MRE11: variants seen among roughly 807,000 people sequenced by gnomAD.
MRE11 encodes double-strand break repair protein MRE11.
In MRE11, 62 loss-of-function variants were observed where a neutral mutation model predicts 91.7. That is an observed-to-expected ratio of 0.68 (90% confidence interval 0.55 to 0.84). The LOEUF (loss-of-function observed/expected upper bound fraction) is 0.84. MRE11 is among the 40% of genes least tolerant of loss of function. MRE11 has a pLI of 0.00. For missense variants in MRE11, 796 were observed against 852.9 expected (o/e 0.93, Z 0.83); for synonymous variants, 273 against 271.4 (o/e 1.01, Z -0.06).
At chr11:94,493,631 G>T (rs1310646123) in intron 1 of MRE11, 160 bp downstream of exon 1, 1 of 152,356 alleles carries the variant, frequency 6.6e-6, no homozygotes, top group Non-Finnish European at 1.5e-5. Flanking sequence ...TTAACTCTGG[G>T]CTTCCGCCTG....
chr11:94,457,167 A>C (rs1340728587), intron 13 of MRE11, among the ~76,000 whole-genome samples: 1 of 152,226 alleles, frequency 6.6e-6, no homozygotes, highest in Non-Finnish European at 1.5e-5. Context: ...AGATAACAAG[A>C]GTCTGGTATC....
At chr11:94,446,725 G>A (rs1380602271) in intron 15 of MRE11, among the ~76,000 whole-genome samples, 1 of 152,154 alleles carries the variant, frequency 6.6e-6, no homozygotes, top group African/African-American at 2.4e-5. Flanking sequence ...ACTAGTTTTA[G>A]GAATCAAATT....
upstream of MRE11, chr11:94,498,354 C>G (rs1305275938): frequency 6.2e-7 from 1 of 1,613,540 alleles, no homozygotes; most frequent in South Asian, 1.1e-5. Flanking sequence ...TTGCATCTTG[C>G]TGCTGGGAAC....
At chr11:94,510,479 C>A in the MRE11 span, among the ~76,000 whole-genome samples, 1 of 152,044 alleles carries the variant, frequency 6.6e-6, no homozygotes, top group Non-Finnish European at 1.5e-5. Context: ...GACTTTTTTC[C>A]CACTGCTTCT....
At chr11:94,460,794 A>T in intron 12 of MRE11, 142 bp downstream of exon 12, 1 of 719,340 alleles carries the variant, frequency 1.4e-6, no homozygotes, top group Non-Finnish European at 2.4e-6. Flanking sequence ...CTGCAAATGA[A>T]TGTAATTAAT....
chr11:94,507,601 C>T, the MRE11 span, among the ~76,000 whole-genome samples: 11,262 of 152,164 alleles, frequency 0.074, 530 homozygotes, highest in South Asian at 0.17. Flanking sequence ...GTGAACGTTC[C>T]GATTGCTCCA....
chr11:94,494,616 A>G (rs1459883955), upstream of MRE11, among the ~76,000 whole-genome samples: 1 of 152,188 alleles, frequency 6.6e-6, no homozygotes, highest in Non-Finnish European at 1.5e-5. Flanking sequence ...CTGATGGAAT[A>G]TCAGGAATAT....
intron 6 of MRE11, among the ~76,000 whole-genome samples, chr11:94,477,117 ATG>A (rs975968996): frequency 1.1e-4 from 17 of 152,326 alleles, no homozygotes; most frequent in African/African-American, 3.8e-4. Flanking sequence ...TAGAATAAAA[ATG>A]TGAGTTTTCT....
intron 16 of MRE11, among the ~76,000 whole-genome samples, chr11:94,437,717 G>T (rs1945660118): frequency 6.6e-6 from 1 of 152,168 alleles, no homozygotes. Context: ...CTAGAAAACA[G>T]CATTCTATGA....
At chr11:94,485,117 C>A (rs1327550215) in intron 4 of MRE11, among the ~76,000 whole-genome samples, 3 of 149,574 alleles carry the variant, frequency 2.0e-5, no homozygotes, top group Non-Finnish European at 4.5e-5. Flanking sequence ...CCTGTAATCC[C>A]AACTACTCGC....
rs1165980615 is a variant in MRE11, at chr11:94,419,378, G to A, written c.*747C>T. Reference sequence around the variant, plus strand: ...TGTAGTTTAAAACAATTTTTAACCCGTTTCCTCCTAGAACTAGGCACGCAT... The same window carrying A: ...TGTAGTTTAAAACAATTTTTAACCCATTTCCTCCTAGAACTAGGCACGCAT... On this transcript the variant is annotated 3_prime_UTR_variant, in exon 20 of 20. Transcript: ENST00000323929. 2 of 230,810 alleles carry A rather than the reference G, an allele frequency of 8.7e-6. No homozygotes were observed. Among genetic ancestry groups the A allele is most frequent in the East Asian group, 6.1e-5 (1 of 16,296 alleles). The allele number at this position is 230,810 out of a possible 1,614,324, so 14.3% of individuals were successfully genotyped here. A position where few individuals can be genotyped will look rare whatever the true frequency, so the allele number is the denominator to read the frequency against.
intron 2 of MRE11, 73 bp from the exon 3 acceptor site, chr11:94,491,038 A>ACTT: frequency 1.1e-6 from 1 of 942,410 alleles, no homozygotes; most frequent in Non-Finnish European, 1.6e-6. Flanking sequence ...ATTGAGACAA[A>ACTT]CTTATAAAAT....
rs1946672306 is a variant in MRE11 at position 94,470,340 on chromosome 11, C to T, written c.1017+131G>A. ...ACAATTAAACACATTCACTGAAGAACAGTGTCCTTACAGGCTTCATGAGAA... is the reference window on the plus strand; with the variant it reads ...ACAATTAAACACATTCACTGAAGAATAGTGTCCTTACAGGCTTCATGAGAA... On this transcript the variant is annotated intron_variant, in intron 9 of 19. Coordinates refer to ENST00000323929, the MANE Select transcript of MRE11 (RefSeq NM_005591.4). The T allele has an allele frequency of 3.3e-6, 3 of 898,484 alleles. No individual in the cohort carries two copies. In the South Asian group the frequency reaches 4.9e-5, roughly 15 times the overall value. 55.7% of individuals were successfully genotyped at this position (898,484 alleles called of 1,614,324 possible).
chr11:94,451,636 G>C (rs969238185), intron 14 of MRE11, among the ~76,000 whole-genome samples: 1 of 151,962 alleles, frequency 6.6e-6, no homozygotes, highest in Non-Finnish European at 1.5e-5. Context: ...TATATTACCA[G>C]GATGGGTCAA....
chr11:94,508,835 C>T, the MRE11 span, among the ~76,000 whole-genome samples: 1 of 151,278 alleles, frequency 6.6e-6, no homozygotes, highest in Non-Finnish European at 1.5e-5. Flanking sequence ...GATCTCGGCT[C>T]ACTGCAACCT....
chr11:94,486,551 C>A (rs530819225), intron 3 of MRE11, among the ~76,000 whole-genome samples: 56 of 152,308 alleles, frequency 3.7e-4, no homozygotes, highest in Non-Finnish European at 6.3e-4. Context: ...AGACCCTCTA[C>A]TGAGTCCTGA....
At chr11:94,435,975 T>C in intron 17 of MRE11, 76 bp from the exon 18 acceptor site, 1 of 1,287,144 alleles carries the variant, frequency 7.8e-7, no homozygotes, top group Admixed American at 1.7e-5. Context: ...AGAAATGAAT[T>C]ACACGATTAA....
At position 94,442,681 on chromosome 11, in the gene MRE11, C is replaced by A. The variant is rs1304676460; in HGVS notation, c.1867+3129G>T. Among the ~76,000 whole-genome samples the A allele has an allele frequency of 2.0e-5, 3 of 152,306 alleles. No homozygotes were observed. In the East Asian group the frequency reaches 5.8e-4, roughly 29 times the overall value. The stretch of plus-strand genomic sequence containing the variant: ...TAAAAGAACACTTGATAAATGCCTA[C>A]TGTGCCAGGCTTTTTGATCATTTAA... On this transcript the variant is annotated intron_variant, in intron 16 of 19. Transcript: ENST00000323929.
chr11:94,510,613 T>C, the MRE11 span, among the ~76,000 whole-genome samples: 1 of 152,212 alleles, frequency 6.6e-6, no homozygotes, highest in Admixed American at 6.5e-5. Context: ...ATAAGTCATT[T>C]AGAATAACTT....
Sources: gnomAD v4.1 joint callset for allele counts (sites outside exome capture counted in the v4.1 genomes callset) on GRCh38, gnomAD v4.1.1 for gene constraint, MANE v1.5 for transcripts, NCBI Gene and HGNC (gene_info 2026-07-23, HGNC 2026-07-21) for gene names.